Variants in PDE4D observed in about 807,000 individuals in gnomAD.
PDE4D encodes the protein 3',5'-cyclic-AMP phosphodiesterase 4D.
In PDE4D, 24 loss-of-function variants were observed where a neutral mutation model predicts 87.4. That is an observed-to-expected ratio of 0.27 (90% CI 0.20 to 0.39). The LOEUF (loss-of-function observed/expected upper bound fraction) is 0.39. Ranked by LOEUF, PDE4D falls within the 10% of genes least tolerant of loss-of-function variation. The pLI, the probability that PDE4D is intolerant of heterozygous loss-of-function variation, is 1.00. For missense variants in PDE4D, 714 were observed against 1,041.0 expected (o/e 0.69, Z 4.32); for synonymous variants, 384 against 383.2 (o/e 1.00, Z -0.02).
In PDE4D at chr5:60,431,236, C is replaced by T. The variant is rs569855174; in HGVS notation, c.-90+56706G>A. 1.5e-3 allele frequency: 283 copies of T among 188,198 alleles called. 1 individual carries two copies. The highest frequency in any genetic ancestry group is 6.5e-3 in the African/African-American group (267 of 41,364). The allele number at this position is 188,198 out of a possible 1,614,324, so 11.7% of individuals were successfully genotyped here. A position where few individuals can be genotyped will look rare whatever the true frequency, so the allele number is the denominator to read the frequency against. ...GCGGAGACGCTCCTCACTTCCCAGA[C>T]GGGGTGGCTGCCAGGCGGAGGGGCT... On this transcript the variant is annotated intron_variant, in intron 1 of 16. Transcript: ENST00000502484.
intron 1 of PDE4D, among the ~76,000 whole-genome samples, chr5:59,227,920 T>C (rs573102893): frequency 6.2e-4 from 94 of 152,240 alleles, no homozygotes; most frequent in African/African-American, 2.2e-3. Context: ...AAAAGGAATA[T>C]AAATCATTCT....
At chr5:60,312,846 A>G (rs1019550242) in intron 1 of PDE4D, among the ~76,000 whole-genome samples, 1 of 152,230 alleles carries the variant, frequency 6.6e-6, no homozygotes, top group Non-Finnish European at 1.5e-5. Context: ...ATTGAAATTA[A>G]GGCAGAAATC....
intron 6 of PDE4D, among the ~76,000 whole-genome samples, chr5:59,007,013 A>G (rs1299273114): frequency 6.6e-6 from 1 of 152,200 alleles, no homozygotes; most frequent in African/African-American, 2.4e-5. Context: ...AAAAAAAGAA[A>G]ACTATTTCAG....
At chr5:58,976,505 G>T in intron 12 of PDE4D, 33 bp from the exon 13 acceptor site, 1 of 1,466,094 alleles carries the variant, frequency 6.8e-7, no homozygotes, top group Non-Finnish European at 9.3e-7. Flanking sequence ...TAAGTTCAGA[G>T]AAAACAGAAT....
chr5:59,872,482 T>C (rs1581523793), intron 1 of PDE4D, among the ~76,000 whole-genome samples: 1 of 152,170 alleles, frequency 6.6e-6, no homozygotes, highest in Non-Finnish European at 1.5e-5. Context: ...AAAATACACA[T>C]AAAATTTACT....
intron 5 of PDE4D, among the ~76,000 whole-genome samples, chr5:59,161,903 T>C (rs978000190): frequency 3.3e-5 from 5 of 152,216 alleles, no homozygotes; most frequent in Non-Finnish European, 7.3e-5. Flanking sequence ...GAGACAAAGA[T>C]AATGAGTGGG....
chr5:60,172,554 C>G (rs972023729), intron 2 of PDE4D, among the ~76,000 whole-genome samples: 3 of 152,114 alleles, frequency 2.0e-5, no homozygotes, highest in Non-Finnish European at 2.9e-5. Context: ...AGGAGGAACA[C>G]AGCCCTTCTC....
chr5:60,426,191 C>G (rs1743695719), intron 1 of PDE4D, among the ~76,000 whole-genome samples: 1 of 152,100 alleles, frequency 6.6e-6, no homozygotes, highest in Admixed American at 6.5e-5. Context: ...GGTATATACC[C>G]AAAGGATTAT....
intron 1 of PDE4D, among the ~76,000 whole-genome samples, chr5:60,512,149 A>G (rs766566573): frequency 4.6e-5 from 7 of 152,202 alleles, no homozygotes; most frequent in African/African-American, 9.6e-5. Flanking sequence ...AGAAAGATAT[A>G]AAATAATATG....
chr5:60,193,554 C>G (rs1008758332), intron 1 of PDE4D, among the ~76,000 whole-genome samples: 5 of 150,432 alleles, frequency 3.3e-5, no homozygotes, highest in African/African-American at 1.2e-4. Context: ...CCTGTAGTCC[C>G]AGCTACTCGG....
chr5:60,384,443 T>C (rs1762066993), intron 1 of PDE4D, among the ~76,000 whole-genome samples: 1 of 152,234 alleles, frequency 6.6e-6, no homozygotes. Context: ...TATGAACTTC[T>C]TAAATAAACA....
chr5:59,602,611 A>G (rs982477406), intron 1 of PDE4D, among the ~76,000 whole-genome samples: 4 of 151,982 alleles, frequency 2.6e-5, no homozygotes, highest in African/African-American at 9.7e-5. Context: ...GAAACAATCT[A>G]CAAAACAATC....
intron 1 of PDE4D, among the ~76,000 whole-genome samples, chr5:59,618,861 C>T (rs1830014428): frequency 6.6e-6 from 1 of 152,142 alleles, no homozygotes; most frequent in East Asian, 1.9e-4. Flanking sequence ...TCAGTCCCTT[C>T]TTGCTCTCTC....
chr5:60,030,257 T>C (rs1044943376), intron 2 of PDE4D, among the ~76,000 whole-genome samples: 4 of 151,926 alleles, frequency 2.6e-5, no homozygotes, highest in Admixed American at 2.6e-4. Flanking sequence ...GAGACCATCC[T>C]GGCTAACAAG....
chr5:59,126,990 A>G (rs1205426925), intron 5 of PDE4D, among the ~76,000 whole-genome samples: 2 of 152,236 alleles, frequency 1.3e-5, no homozygotes, highest in East Asian at 3.9e-4. Context: ...GACAATTTAC[A>G]CTAAAGAATT....
chr5:59,281,877 A>C (rs1765859280), intron 1 of PDE4D, among the ~76,000 whole-genome samples: 1 of 152,228 alleles, frequency 6.6e-6, no homozygotes, highest in South Asian at 2.1e-4. Context: ...TCATTATTAA[A>C]GAAAAAACAA....
intron 6 of PDE4D, chr5:59,002,136 C>T (rs545449981): frequency 2.2e-6 from 1 of 458,224 alleles, no homozygotes; most frequent in African/African-American, 2.0e-5. Flanking sequence ...TAATATCACC[C>T]CCTCTAACTC....
intron 1 of PDE4D, among the ~76,000 whole-genome samples, chr5:60,395,641 G>A (rs1762837411): frequency 6.6e-6 from 1 of 151,984 alleles, no homozygotes; most frequent in Non-Finnish European, 1.5e-5. Flanking sequence ...AGGAATTGCT[G>A]AGTTAGACTG....
chr5:59,934,723 T>C (rs1012799603), intron 3 of PDE4D, among the ~76,000 whole-genome samples: 2 of 152,204 alleles, frequency 1.3e-5, no homozygotes, highest in Non-Finnish European at 2.9e-5. Context: ...ACAAAAGTTG[T>C]AGCATTTCGT....
Sources: allele counts gnomAD v4.1 joint callset (sites outside exome capture counted in the v4.1 genomes callset), GRCh38; gene constraint gnomAD v4.1.1; transcripts MANE v1.5; gene names NCBI Gene and HGNC (gene_info 2026-07-23, HGNC 2026-07-21).